VDAC1: variants seen among roughly 807,000 people sequenced by gnomAD.
VDAC1 encodes the protein voltage dependent anion channel 1, also known as non-selective voltage-gated ion channel VDAC1.
Under a neutral mutation model 34.7 loss-of-function variants are expected in VDAC1, and 10 were observed. The observed-to-expected ratio is 0.29, with a 90% CI of 0.18 to 0.49. VDAC1 has a LOEUF of 0.49. VDAC1 is among the 20% of genes least tolerant of loss of function. The pLI is 0.99. For missense variants in VDAC1, 230 were observed against 347.9 expected (o/e 0.66, Z 2.69); for synonymous variants, 130 against 136.0 (o/e 0.96, Z 0.30).
chr5:133,977,267 G>A (rs1467619011), intron 6 of VDAC1, among the ~76,000 whole-genome samples: 2 of 152,256 alleles, frequency 1.3e-5, no homozygotes, highest in East Asian at 1.9e-4. Context: ...AATTCATCTC[G>A]TCCACCTGTG....
the VDAC1 span, among the ~76,000 whole-genome samples, chr5:134,016,764 G>T: frequency 3.4e-4 from 52 of 152,370 alleles, no homozygotes; most frequent in African/African-American, 1.1e-3. Flanking sequence ...CTTGGTGCCA[G>T]CCTGGTAGAG....
upstream of VDAC1, chr5:134,005,650 C>T (rs1316313527): frequency 6.6e-6 from 1 of 152,226 alleles, no homozygotes; most frequent in African/African-American, 2.4e-5. Context: ...CCGGGTAACC[C>T]CCGCGACCAG....
chr5:134,109,822 G>C, the VDAC1 span, among the ~76,000 whole-genome samples: 116 of 150,312 alleles, frequency 7.7e-4, no homozygotes, highest in African/African-American at 2.6e-3. Context: ...GCTTCCAGGT[G>C]AATTTGGGCC....
At chr5:134,065,689 G>A in the VDAC1 span, among the ~76,000 whole-genome samples, 1 of 151,462 alleles carries the variant, frequency 6.6e-6, no homozygotes, top group Non-Finnish European at 1.5e-5. Context: ...AGATAATATA[G>A]TCAGTATGAT....
intron 5 of VDAC1, chr5:133,989,018 G>C (rs376917806): frequency 6.6e-6 from 1 of 152,248 alleles, no homozygotes; most frequent in African/African-American, 2.4e-5. Context: ...TTCCTGGGGG[G>C]AGAGTGCACA....
chr5:134,045,269 C>T, the VDAC1 span, among the ~76,000 whole-genome samples: 1 of 152,198 alleles, frequency 6.6e-6, no homozygotes, highest in South Asian at 2.1e-4. Context: ...GCCAGCCACG[C>T]CAGTTATCTA....
the VDAC1 span, among the ~76,000 whole-genome samples, chr5:134,068,583 A>G: frequency 6.6e-6 from 1 of 152,022 alleles, no homozygotes; most frequent in East Asian, 1.9e-4. Flanking sequence ...CTTTGTAGGT[A>G]ATTTTTCTTT....
the VDAC1 span, among the ~76,000 whole-genome samples, chr5:134,052,606 C>T: frequency 2.0e-5 from 3 of 152,070 alleles, no homozygotes; most frequent in African/African-American, 7.2e-5. Flanking sequence ...AATAAGTTTG[C>T]ATGCTTTTCT....
intron 5 of VDAC1, among the ~76,000 whole-genome samples, chr5:133,982,511 C>CAAA (rs147731334): frequency 4.9e-5 from 4 of 81,322 alleles, no homozygotes; most frequent in Admixed American, 1.3e-4. Flanking sequence ...GACTCCGTCT[C>CAAA]AAAAAAAAAA....
At chr5:134,052,177 C>T in the VDAC1 span, among the ~76,000 whole-genome samples, 1 of 152,174 alleles carries the variant, frequency 6.6e-6, no homozygotes, top group Non-Finnish European at 1.5e-5. Flanking sequence ...GTCAAGCTTT[C>T]CTGGTTTTGC....
upstream of VDAC1, among the ~76,000 whole-genome samples, chr5:134,008,025 A>G (rs761133710): frequency 6.6e-6 from 1 of 152,122 alleles, no homozygotes; most frequent in Non-Finnish European, 1.5e-5. Flanking sequence ...GCAAGCTTTC[A>G]TGGAGCTGAC....
the VDAC1 span, among the ~76,000 whole-genome samples, chr5:134,094,381 C>T: frequency 6.6e-6 from 1 of 152,060 alleles, no homozygotes; most frequent in Non-Finnish European, 1.5e-5. Context: ...AAACTCTGGT[C>T]GGTTAGAGGA....
At chr5:134,018,562 T>C in the VDAC1 span, among the ~76,000 whole-genome samples, 1 of 152,154 alleles carries the variant, frequency 6.6e-6, no homozygotes, top group Non-Finnish European at 1.5e-5. Context: ...GGGGACTGTT[T>C]AGTCTGCCTG....
At chr5:134,088,552 C>A in the VDAC1 span, among the ~76,000 whole-genome samples, 8 of 152,338 alleles carry the variant, frequency 5.3e-5, no homozygotes, top group African/African-American at 1.9e-4. Flanking sequence ...GGGGAAGGTG[C>A]CAGGCTCAAT....
the VDAC1 span, among the ~76,000 whole-genome samples, chr5:134,081,351 G>A: frequency 1.2e-3 from 185 of 151,822 alleles, no homozygotes; most frequent in Non-Finnish European, 2.1e-3. Context: ...ATAACTTTTT[G>A]TATTTTTGGT....
At chr5:134,109,770 C>CAAAAAAAAAAAAAAAAAAAAAAAAAAAAA in the VDAC1 span, among the ~76,000 whole-genome samples, 6 of 140,316 alleles carry the variant, frequency 4.3e-5, no homozygotes, top group African/African-American at 1.7e-4. Context: ...GGCTCCATCT[C>CAAAAAAAAAAAAAAAAAAAAAAAAAAAAA]AAAAAAAAAA....
At chr5:134,039,352 G>A in the VDAC1 span, among the ~76,000 whole-genome samples, 1 of 151,800 alleles carries the variant, frequency 6.6e-6, no homozygotes, top group Non-Finnish European at 1.5e-5. Flanking sequence ...TTTTTGAGAC[G>A]GAGTCTCCCT....
the VDAC1 span, among the ~76,000 whole-genome samples, chr5:134,110,283 TTG>T: frequency 6.6e-6 from 1 of 152,230 alleles, no homozygotes; most frequent in Non-Finnish European, 1.5e-5. Context: ...TTCTTGGTTA[TTG>T]TATGAAGTCC....
the VDAC1 span, among the ~76,000 whole-genome samples, chr5:134,109,300 G>A: frequency 6.6e-6 from 1 of 152,278 alleles, no homozygotes; most frequent in Admixed American, 6.5e-5. Flanking sequence ...GTGTGTCTGA[G>A]GCTGTCTCCC....
Sources: allele counts gnomAD v4.1 joint callset (sites outside exome capture counted in the v4.1 genomes callset), GRCh38; gene constraint gnomAD v4.1.1; transcripts MANE v1.5; gene names NCBI Gene and HGNC (gene_info 2026-07-23, HGNC 2026-07-21).